The following CNOT3 variants were observed in gnomAD, a reference collection of about 807,000 sequenced individuals.
CNOT3 encodes CCR4-NOT transcription complex subunit 3, also known as CCR4-associated factor 3.
Under a neutral mutation model 89.4 loss-of-function variants are expected in CNOT3, and 2 were observed. The ratio of observed to expected loss-of-function variants is 0.02; its 90% confidence interval spans 0.01 to 0.07. The LOEUF (loss-of-function observed/expected upper bound fraction) is 0.07, where lower values mean the gene tolerates loss of function less well. Ranked by LOEUF, CNOT3 falls within the 10% of genes least tolerant of loss-of-function variation. The pLI is 1.00. For synonymous variants in CNOT3, 486 were observed against 402.0 expected, an observed-to-expected ratio of 1.21 and a Z score of -2.50; for missense variants, 664 against 1,010.2, an observed-to-expected ratio of 0.66 and a Z score of 4.65.
rs1279801782 is a variant in CNOT3 at position 54,144,689 on chromosome 19, G to T, written c.483+357G>T. 2.6e-5 allele frequency among the ~76,000 whole-genome samples: 4 copies of T among 152,176 alleles called. No individual in the cohort carries two copies. Among genetic ancestry groups the T allele is most frequent in the African/African-American group, 7.2e-5 (3 of 41,442 alleles). ...GCAAGAGGCCTCCTGGCACCCAGAG[G>T]GCCCTGGTCCTAGGGAGAGCACAGT... is the stretch of plus-strand genomic sequence containing the variant. On this transcript the variant is annotated intron_variant, in intron 7 of 17. Transcript: ENST00000221232. This position sits in a 1 kb window ranked among gnomAD's most constrained non-coding sequence, Gnocchi z 4.8.
At position 54,146,600 on chromosome 19, in the gene CNOT3, G is replaced by T; in HGVS notation, c.838-1G>T. 6.7e-7 allele frequency: 1 copy of T among 1,495,404 alleles called. No individual in the cohort carries two copies. Among genetic ancestry groups the T allele is most frequent in the Non-Finnish European group, 9.3e-7 (1 of 1,071,922 alleles). The allele number at this position is 1,495,404 out of a possible 1,614,324, so 92.6% of individuals were successfully genotyped here. A position where few individuals can be genotyped will look rare whatever the true frequency, so the allele number is the denominator to read the frequency against. Reference sequence around the variant, plus strand: ...TTTCTATTCTGCCTCCCCTACCTCAGGAAAACTCTGAAGATGATAAGAAGA... The same window carrying T: ...TTTCTATTCTGCCTCCCCTACCTCATGAAAACTCTGAAGATGATAAGAAGA... On this transcript the variant is annotated splice_acceptor_variant, in intron 9 of 17. Transcript: ENST00000221232. LOFTEE classifies it high-confidence loss of function.
chr19:54,144,177 G>A lies in CNOT3; in HGVS notation c.387+43G>A. 1 of 1,611,562 alleles carries A rather than the reference G, an allele frequency of 6.2e-7. No homozygotes were observed. Among genetic ancestry groups the A allele is most frequent in the Non-Finnish European group, 8.5e-7 (1 of 1,178,400 alleles). ...AGAGGAGGTGAACTCTGAGGATCCT[G>A]AGCCCTGGGTGTAGGCGGAACCCTA... is the stretch of plus-strand genomic sequence containing the variant. On this transcript the variant is annotated intron_variant, in intron 6 of 17. Transcript: ENST00000221232. The surrounding 1 kb of genome is among the most constrained non-coding windows in gnomAD (Gnocchi z 4.8).
intron 13 of CNOT3, among the ~76,000 whole-genome samples, chr19:54,150,608 G>C (rs921250956): frequency 1.1e-4 from 17 of 151,790 alleles, no homozygotes; most frequent in African/African-American, 4.1e-4. Flanking sequence ...CGCCCAGGCT[G>C]TCCAGGAGGC....
Position 54,148,791 on chromosome 19 carries a change from CAGAG to C in CNOT3, c.1406+51_1406+54del, listed in dbSNP as rs762271869. 3.8e-6 allele frequency: 6 copies of C among 1,582,384 alleles called. No individual in the cohort carries two copies. The highest frequency in any genetic ancestry group is 2.7e-5 in the African/African-American group (2 of 74,266). On this transcript the variant is annotated intron_variant, in intron 12 of 17. Coordinates refer to ENST00000221232, the MANE Select transcript of CNOT3 (RefSeq NM_014516.4). This position sits in a 1 kb window ranked among gnomAD's most constrained non-coding sequence, Gnocchi z 6.3. ...GGGTTGGGATGGCAGCCTTTTGAAA[CAGAG>C]AGGCGCAGGCGCCTCACCCCCGCAT...
rs2074608577 is a variant in CNOT3 at position 54,145,149 on chromosome 19, T to TA, written c.484-448dup. 6.6e-6 allele frequency among the ~76,000 whole-genome samples: 1 copy of TA among 152,050 alleles called. No homozygotes were observed. Among genetic ancestry groups the TA allele is most frequent in the African/African-American group, 2.4e-5 (1 of 41,382 alleles). ...GGGTTGGGGGCCTAGTGATGACAGA[T>TA]ATCACAATTCTAAACAGCAAGCTCC... On this transcript the variant is annotated intron_variant, in intron 7 of 17. Coordinates refer to ENST00000221232, the MANE Select transcript of CNOT3 (RefSeq NM_014516.4). The surrounding 1 kb of genome is among the most constrained non-coding windows in gnomAD (Gnocchi z 5.9).
intron 1 of CNOT3, 35 bp from the exon 2 acceptor site, chr19:54,142,894 A>C: frequency 7.3e-7 from 1 of 1,375,876 alleles, no homozygotes; most frequent in Non-Finnish European, 1.0e-6. Context: ...CAGCCAGGGA[A>C]TACGTGTTAA....
At position 54,154,088 on chromosome 19, in the gene CNOT3, C is replaced by T. The variant is rs376002837; in HGVS notation, c.2163+248C>T. 1.4e-4 allele frequency: 98 copies of T among 691,086 alleles called. 1 individual carries two copies. Among genetic ancestry groups the T allele is most frequent in the Middle Eastern group, 9.4e-4 (4 of 4,266 alleles). The allele number at this position is 691,086 out of a possible 1,614,324, so 42.8% of individuals were successfully genotyped here. On this transcript the variant is annotated intron_variant, in intron 17 of 17. Coordinates refer to ENST00000221232, the MANE Select transcript of CNOT3 (RefSeq NM_014516.4). ...AATGTCCCTTCCTCAAAGAAACCTT[C>T]CTGGAGCCACCCAGCCCAGTGCCTC...
rs778660546 is a variant in CNOT3 at position 54,143,893 on chromosome 19, G to A, written c.259-113G>A. On this transcript the variant is annotated intron_variant, in intron 5 of 17. Transcript: ENST00000221232. ...CACCTAAGGGAAGTGAAGAGGCAGCGGACTCAGAGCTCAGAAAGTAGGGTC... is the reference window on the plus strand; with the variant it reads ...CACCTAAGGGAAGTGAAGAGGCAGCAGACTCAGAGCTCAGAAAGTAGGGTC... 1.6e-5 allele frequency: 24 copies of A among 1,500,824 alleles called. No homozygotes were observed. In the East Asian group the frequency reaches 2.9e-4, roughly 18 times the overall value. 93.0% of individuals were successfully genotyped at this position (1,500,824 alleles called of 1,614,324 possible).
chr19:54,145,930 T>TCCC lies in CNOT3; in HGVS notation c.730_732dup (p.Pro244dup). ...CACAGCACAGGCGCTGGTCGCCACC[T>TCCC]CCCCCCCCAGCCACAGCCACATGGA... On this transcript the variant is annotated inframe_insertion, in exon 9 of 18. Coordinates refer to ENST00000221232, the MANE Select transcript of CNOT3 (RefSeq NM_014516.4). The surrounding 1 kb of genome is among the most constrained non-coding windows in gnomAD (Gnocchi z 5.9). 3 of 1,608,434 alleles carry TCCC rather than the reference T, an allele frequency of 1.9e-6. No homozygotes were observed. Among genetic ancestry groups the TCCC allele is most frequent in the Non-Finnish European group, 2.5e-6 (3 of 1,177,954 alleles).
intron 1 of CNOT3, among the ~76,000 whole-genome samples, 158 bp downstream of exon 1, chr19:54,138,151 C>T (rs1453269846): frequency 5.9e-5 from 9 of 151,976 alleles, no homozygotes. Flanking sequence ...CAGCGCGGGG[C>T]TCCCGGCGGG....
In CNOT3 at chr19:54,155,470, G is replaced by A; in HGVS notation, c.*63G>A. On this transcript the variant is annotated 3_prime_UTR_variant, in exon 18 of 18. Transcript: ENST00000221232. ...TGCTGATCCCCCTGCCCAGGTGAGG[G>A]CCCTGCCCTGGAAGACTGGAGGGAG... The A allele has an allele frequency of 8.6e-7, 1 of 1,160,498 alleles. No individual in the cohort carries two copies. The highest frequency in any genetic ancestry group is 1.2e-6 in the Non-Finnish European group (1 of 810,174). 71.9% of individuals were successfully genotyped at this position (1,160,498 alleles called of 1,614,324 possible).
intron 13 of CNOT3, among the ~76,000 whole-genome samples, chr19:54,151,840 T>C (rs1332933526): frequency 1.3e-5 from 2 of 152,140 alleles, no homozygotes; most frequent in African/African-American, 4.8e-5. Context: ...AGGCGGGAGC[T>C]CTCCCAGCGT....
intron 1 of CNOT3, among the ~76,000 whole-genome samples, chr19:54,138,514 G>C (rs891316871): frequency 7.8e-4 from 118 of 152,198 alleles, no homozygotes; most frequent in African/African-American, 2.6e-3. Flanking sequence ...GGGAGGGGGG[G>C]TGGTGGTCGG....
intron 4 of CNOT3, 67 bp downstream of exon 4, chr19:54,143,583 G>A (rs1017778746): frequency 1.0e-5 from 16 of 1,604,406 alleles, no homozygotes; most frequent in Middle Eastern, 1.6e-4. Context: ...GTGGACTGCT[G>A]GGTCCCAGGG....
chr19:54,138,227 G>A (rs1416145751), intron 1 of CNOT3, among the ~76,000 whole-genome samples: 1 of 151,556 alleles, frequency 6.6e-6, no homozygotes, highest in Admixed American at 6.6e-5. Context: ...CGCCTCCCGG[G>A]GGTCCTTCCG....
intron 3 of CNOT3, 72 bp downstream of exon 3, chr19:54,143,258 G>A: frequency 1.4e-6 from 2 of 1,413,910 alleles, no homozygotes; most frequent in South Asian, 2.3e-5. Context: ...CAGGACCTCT[G>A]GGTGTTGACC....
At chr19:54,153,936 C>T in intron 17 of CNOT3, 96 bp downstream of exon 17, 5 of 1,511,552 alleles carry the variant, frequency 3.3e-6, no homozygotes, top group Non-Finnish European at 4.6e-6. Flanking sequence ...CTTGCCTCCA[C>T]CTTTCAGCTG....
At chr19:54,142,762 G>C in intron 1 of CNOT3, 167 bp from the exon 2 acceptor site, 1 of 619,864 alleles carries the variant, frequency 1.6e-6, no homozygotes, top group East Asian at 2.7e-5. Flanking sequence ...CACTATGCTG[G>C]GCAGTCAAGC....
intron 10 of CNOT3, among the ~76,000 whole-genome samples, chr19:54,147,392 C>T (rs917784942): frequency 1.2e-4 from 18 of 152,144 alleles, no homozygotes; most frequent in African/African-American, 4.3e-4. Context: ...TGAGGGCGGG[C>T]AACAGGGCCA....
Sources: allele counts gnomAD v4.1 joint callset (sites outside exome capture counted in the v4.1 genomes callset), GRCh38; gene constraint gnomAD v4.1.1; non-coding constraint Gnocchi (gnomAD v3.1); transcripts MANE v1.5; gene names NCBI Gene and HGNC (gene_info 2026-07-23, HGNC 2026-07-21).